POU2F1: variants seen among roughly 807,000 people sequenced by gnomAD.
The protein encoded by POU2F1 is POU domain, class 2, transcription factor 1.
A neutral mutation model predicts 84.9 loss-of-function variants in POU2F1; 16 were observed. The observed-to-expected ratio is 0.19, with a 90% confidence interval of 0.13 to 0.29. The LOEUF is 0.29. Ranked by LOEUF, POU2F1 falls within the 10% of genes least tolerant of loss-of-function variation. The pLI, the probability that POU2F1 is intolerant of heterozygous loss-of-function variation, is 1.00. For missense variants in POU2F1, 738 were observed against 942.6 expected, an observed-to-expected ratio of 0.78 and a Z score of 2.84; for synonymous variants, 368 against 368.3, an observed-to-expected ratio of 1.00 and a Z score of 0.01.
At chr1:167,398,164 G>A (rs373780694) in intron 11 of POU2F1, 31 bp downstream of exon 11, 6 of 1,609,544 alleles carry the variant, frequency 3.7e-6, no homozygotes, top group Non-Finnish European at 5.1e-6. Context: ...TCTGTACATG[G>A]GATTGTCTGT....
intron 5 of POU2F1, among the ~76,000 whole-genome samples, chr1:167,372,307 T>G (rs1272518605): frequency 6.6e-6 from 1 of 152,244 alleles, no homozygotes; most frequent in African/African-American, 2.4e-5. Context: ...AGGTGTTGCT[T>G]CATCATGCAA....
Position 167,374,102 on chromosome 1 carries a change from G to A in POU2F1, c.403-6G>A, listed in dbSNP as rs757798980. ...CTTTCCCATAATGTGTTCTGGTTTT[G>A]TTTAGCTTACTTTGACGCCTGCCCA... On this transcript the variant is annotated splice_polypyrimidine_tract_variant and splice_region_variant and intron_variant, in intron 5 of 15. Transcript: ENST00000367866. 2 of 1,613,970 alleles carry A rather than the reference G, an allele frequency of 1.2e-6. No homozygotes were observed. The highest frequency in any genetic ancestry group is 2.2e-5 in the South Asian group (2 of 91,020).
chr1:167,417,844 C>T lies in POU2F1; in HGVS notation c.*2034C>T, dbSNP rs1464670960. 6.6e-6 allele frequency: 1 copy of T among 152,178 alleles called. No individual in the cohort carries two copies. The highest frequency in any genetic ancestry group is 2.4e-5 in the African/African-American group (1 of 41,444). 9.4% of individuals were successfully genotyped at this position (152,178 alleles called of 1,614,324 possible). ...TTTTGTGTGTGATTCAAGTGGGAGA[C>T]AGTCTGTTAAAAGGTCAGAAACATT... On this transcript the variant is annotated 3_prime_UTR_variant, in exon 16 of 16. Transcript: ENST00000367866.
chr1:167,417,513 T>A lies in POU2F1; in HGVS notation c.*1703T>A, dbSNP rs1175879748. On this transcript the variant is annotated 3_prime_UTR_variant, in exon 16 of 16. Transcript: ENST00000367866. ...GATTAAATTCCTTTTTTTGTCAGTGTACTGTTGTTATGCCATCTGTACCAA... is the reference window on the plus strand; with the variant it reads ...GATTAAATTCCTTTTTTTGTCAGTGAACTGTTGTTATGCCATCTGTACCAA... 1 of 152,232 alleles carries A rather than the reference T, an allele frequency of 6.6e-6. No homozygotes were observed. The highest frequency in any genetic ancestry group is 2.4e-5 in the African/African-American group (1 of 41,458). The allele number at this position is 152,232 out of a possible 1,614,324, so 9.4% of individuals were successfully genotyped here.
intron 2 of POU2F1, among the ~76,000 whole-genome samples, chr1:167,338,460 C>G (rs1032402774): frequency 6.6e-6 from 1 of 152,092 alleles, no homozygotes; most frequent in East Asian, 1.9e-4. Context: ...GGGTCGACAC[C>G]CTTGACTCCG....
At chr1:167,362,393 A>G (rs1264076911) in intron 2 of POU2F1, among the ~76,000 whole-genome samples, 1 of 152,228 alleles carries the variant, frequency 6.6e-6, no homozygotes, top group Non-Finnish European at 1.5e-5. Context: ...TCAGGAAAAC[A>G]AAGTTTATTA....
At chr1:167,307,795 C>CA (rs1302400964) in intron 1 of POU2F1, among the ~76,000 whole-genome samples, 1 of 152,158 alleles carries the variant, frequency 6.6e-6, no homozygotes, top group Admixed American at 6.5e-5. Flanking sequence ...ATGTCCCTTA[C>CA]ACCAAAATAA....
At chr1:167,344,909 G>T (rs1315176880) in intron 2 of POU2F1, among the ~76,000 whole-genome samples, 4 of 152,176 alleles carry the variant, frequency 2.6e-5, no homozygotes, top group Non-Finnish European at 5.9e-5. Context: ...CGTGTCCTTT[G>T]CAGGGACATT....
At chr1:167,338,710 C>T (rs1455600578) in intron 2 of POU2F1, among the ~76,000 whole-genome samples, 2 of 152,164 alleles carry the variant, frequency 1.3e-5, no homozygotes, top group African/African-American at 4.8e-5. Context: ...AAAGTCTATT[C>T]TATGTTCTCA....
rs542223585 is a variant in POU2F1 at position 167,311,966 on chromosome 1, A to T, written c.62-20504A>T. Among the ~76,000 whole-genome samples, 7 of 150,110 alleles carry T rather than the reference A, an allele frequency of 4.7e-5. No individual in the cohort carries two copies. The South Asian group carries it at 1.0e-3, about 22-fold the overall frequency. On this transcript the variant is annotated intron_variant, in intron 1 of 15. Coordinates refer to ENST00000367866, the MANE Select transcript of POU2F1 (RefSeq NM_002697.4). ...TTTTGTTTGTGTGTCTTTTTTGGAG[A>T]TGGAGTCTTACTCTGTTTCCCAGGC... is the stretch of plus-strand genomic sequence containing the variant.
intron 1 of POU2F1, among the ~76,000 whole-genome samples, chr1:167,263,301 C>T (rs1651701976): frequency 6.6e-6 from 1 of 152,062 alleles, no homozygotes; most frequent in Non-Finnish European, 1.5e-5. Flanking sequence ...GAGTGGATCA[C>T]CTGAGGTCAG....
intron 1 of POU2F1, among the ~76,000 whole-genome samples, chr1:167,281,762 G>T (rs1174465780): frequency 6.6e-6 from 1 of 152,200 alleles, no homozygotes; most frequent in African/African-American, 2.4e-5. Flanking sequence ...TAATGAGGCA[G>T]CTTTAGGCTA....
chr1:167,383,751 A>C, intron 7 of POU2F1, 106 bp from the exon 8 acceptor site: 2 of 912,932 alleles, frequency 2.2e-6, no homozygotes, highest in Non-Finnish European at 1.7e-6. Flanking sequence ...TAAGACTACC[A>C]GAGATCAACT....
intron 1 of POU2F1, among the ~76,000 whole-genome samples, chr1:167,307,469 CAAA>C (rs11354171): frequency 5.8e-5 from 8 of 137,710 alleles, no homozygotes; most frequent in African/African-American, 1.6e-4. Context: ...CTAGGATAAC[CAAA>C]AAAAAAAAAA....
At chr1:167,235,117 C>G (rs984548875) in intron 1 of POU2F1, among the ~76,000 whole-genome samples, 1 of 152,136 alleles carries the variant, frequency 6.6e-6, no homozygotes, top group African/African-American at 2.4e-5. Flanking sequence ...CATTGGTTTC[C>G]AGTCATTCAC....
At chr1:167,364,579 T>C (rs2101827505) in intron 2 of POU2F1, among the ~76,000 whole-genome samples, 1 of 147,398 alleles carries the variant, frequency 6.8e-6, no homozygotes, top group Admixed American at 6.7e-5. Context: ...CTTTCTTTCT[T>C]TCTTTTTTTT....
intron 2 of POU2F1, among the ~76,000 whole-genome samples, chr1:167,344,797 T>C (rs1381404424): frequency 6.6e-6 from 1 of 152,036 alleles, no homozygotes; most frequent in Non-Finnish European, 1.5e-5. Context: ...GGCCTCCTAG[T>C]GAAGCAATTT....
At chr1:167,221,318 CGGGGCGGCGGG>C (rs1179608026) in intron 1 of POU2F1, among the ~76,000 whole-genome samples, 2 of 150,276 alleles carry the variant, frequency 1.3e-5, no homozygotes, top group Non-Finnish European at 3.0e-5. Context: ...GGGTCCGCGG[CGGGGCGGCGGG>C]GCCGGGGCAG....
Position 167,418,182 on chromosome 1 carries a change from C to CTT in POU2F1, c.*2376_*2377dup, listed in dbSNP as rs1416605249. On this transcript the variant is annotated 3_prime_UTR_variant, in exon 16 of 16. Coordinates refer to ENST00000367866, the MANE Select transcript of POU2F1 (RefSeq NM_002697.4). ...AGGAGATAGATGCTACTGACAATTT[C>CTT]TTTTTCATTTGTCTTTATTAATTTT... 1 of 152,154 alleles carries CTT rather than the reference C, an allele frequency of 6.6e-6. No homozygotes were observed. The highest frequency in any genetic ancestry group is 1.5e-5 in the Non-Finnish European group (1 of 68,034). 9.4% of individuals were successfully genotyped at this position (152,154 alleles called of 1,614,324 possible).
Sources: allele counts gnomAD v4.1 joint callset (sites outside exome capture counted in the v4.1 genomes callset), GRCh38; gene constraint gnomAD v4.1.1; transcripts MANE v1.5; gene names NCBI Gene and HGNC (gene_info 2026-07-23, HGNC 2026-07-21).